Variants in IQCK observed in about 807,000 individuals in gnomAD.
The protein encoded by IQCK is IQ motif containing K.
In IQCK, 29 loss-of-function variants were observed where a neutral mutation model predicts 28.1. The observed-to-expected ratio is 1.03, with a 90% CI of 0.77 to 1.41. The LOEUF (loss-of-function observed/expected upper bound fraction) is 1.41. Ranked by LOEUF, IQCK falls within the 40% of genes most tolerant of loss-of-function variation. The pLI, the probability that IQCK is intolerant of heterozygous loss-of-function variation, is 0.00. For synonymous variants in IQCK, 113 were observed against 115.1 expected (o/e 0.98, Z 0.12); for missense variants, 359 against 314.7 (o/e 1.14, Z -1.07).
intron 9 of IQCK, among the ~76,000 whole-genome samples, chr16:19,838,948 G>A (rs947965596): frequency 6.8e-6 from 1 of 147,874 alleles, no homozygotes; most frequent in Non-Finnish European, 1.5e-5. Context: ...GAACCTAGGA[G>A]GCAGAGGTTG....
At chr16:19,774,335 A>G (rs1370016936) in intron 6 of IQCK, among the ~76,000 whole-genome samples, 1 of 148,650 alleles carries the variant, frequency 6.7e-6, no homozygotes, top group African/African-American at 2.5e-5. Flanking sequence ...ATTATATTTC[A>G]TTATTGGTAC....
intron 4 of IQCK, among the ~76,000 whole-genome samples, chr16:19,749,050 G>T (rs907021018): frequency 6.6e-6 from 1 of 152,142 alleles, no homozygotes; most frequent in Admixed American, 6.5e-5. Context: ...TCTCTTGGTT[G>T]TTTAGAGAAC....
intron 7 of IQCK, among the ~76,000 whole-genome samples, chr16:19,809,317 C>G (rs1240244741): frequency 6.6e-6 from 1 of 152,194 alleles, no homozygotes; most frequent in Non-Finnish European, 1.5e-5. Flanking sequence ...CGTGTGTTAG[C>G]TGGGTAGTTC....
intron 1 of IQCK, among the ~76,000 whole-genome samples, chr16:19,724,633 A>G (rs2151673770): frequency 6.6e-6 from 1 of 152,030 alleles, no homozygotes; most frequent in African/African-American, 2.4e-5. Context: ...GATTCACGCC[A>G]TTCTCCTGCC....
chr16:19,819,161 C>T (rs1375425489), intron 7 of IQCK, among the ~76,000 whole-genome samples: 2 of 152,114 alleles, frequency 1.3e-5, no homozygotes, highest in African/African-American at 4.8e-5. Flanking sequence ...GGATCTGGAC[C>T]TATCACGGTA....
intron 6 of IQCK, among the ~76,000 whole-genome samples, chr16:19,776,819 C>T (rs1355460955): frequency 6.6e-6 from 1 of 152,210 alleles, no homozygotes; most frequent in Non-Finnish European, 1.5e-5. Context: ...TGTCATATCT[C>T]CCGTCGGCCT....
chr16:19,736,492 G>A (rs866248499), intron 4 of IQCK, among the ~76,000 whole-genome samples: 2 of 152,088 alleles, frequency 1.3e-5, no homozygotes, highest in Non-Finnish European at 2.9e-5. Flanking sequence ...GGTAGAAACC[G>A]AGTTCCGATG....
chr16:19,854,896 T>C (rs1277732231), intron 9 of IQCK, among the ~76,000 whole-genome samples: 1 of 152,150 alleles, frequency 6.6e-6, no homozygotes, highest in Non-Finnish European at 1.5e-5. Flanking sequence ...TGGTTGCCCA[T>C]AGAGCTTCCA....
At chr16:19,745,768 G>A (rs1301755676) in intron 4 of IQCK, among the ~76,000 whole-genome samples, 2 of 152,168 alleles carry the variant, frequency 1.3e-5, no homozygotes, top group Non-Finnish European at 2.9e-5. Flanking sequence ...TCATGTGACT[G>A]CGTTCAGCTG....
At chr16:19,810,409 A>G (rs1024469069) in intron 7 of IQCK, among the ~76,000 whole-genome samples, 1 of 151,814 alleles carries the variant, frequency 6.6e-6, no homozygotes, top group Non-Finnish European at 1.5e-5. Flanking sequence ...AGGCAGGAGA[A>G]TGGTGTCAAC....
At chr16:19,748,699 T>C (rs2054946468) in intron 4 of IQCK, among the ~76,000 whole-genome samples, 1 of 152,180 alleles carries the variant, frequency 6.6e-6, no homozygotes, top group Non-Finnish European at 1.5e-5. Context: ...TACTGCATTC[T>C]GGACATTACA....
chr16:19,759,766 G>C (rs73541502), intron 4 of IQCK, among the ~76,000 whole-genome samples: 1 of 152,112 alleles, frequency 6.6e-6, no homozygotes, highest in Non-Finnish European at 1.5e-5. Flanking sequence ...TCACTTGAGC[G>C]CAAGAGATTG....
At chr16:19,856,459 C>G in intron 9 of IQCK, 28 bp from the exon 9 acceptor site, 25 of 1,601,080 alleles carry the variant, frequency 1.6e-5, no homozygotes, top group Non-Finnish European at 1.9e-5. Flanking sequence ...GTAAATTGAT[C>G]CTGACTTTCC....
At chr16:19,732,000 G>C (rs1977855459) in intron 2 of IQCK, among the ~76,000 whole-genome samples, 1 of 152,240 alleles carries the variant, frequency 6.6e-6, no homozygotes, top group Non-Finnish European at 1.5e-5. Context: ...GAGTCTCAAA[G>C]CCAGAGAACC....
intron 6 of IQCK, among the ~76,000 whole-genome samples, chr16:19,774,744 GAAAC>G (rs1311162740): frequency 6.6e-6 from 1 of 152,188 alleles, no homozygotes; most frequent in East Asian, 1.9e-4. Context: ...TACCATTTAT[GAAAC>G]ACCTACTATG....
chr16:19,728,688 C>T lies in IQCK; in HGVS notation c.182-1742C>T, dbSNP rs144210865. Among the ~76,000 whole-genome samples the T allele has an allele frequency of 1.5e-3, 226 of 152,328 alleles. 3 individuals carry two copies. The highest frequency in any genetic ancestry group is 4.7e-3 in the African/African-American group (194 of 41,578). ...GATAAAACCCTGATCCATTCTTGGA[C>T]TCCTGACTCAGGGGAATTATGAGAT... On this transcript the variant is annotated intron_variant, in intron 1 of 7. Coordinates refer to ENST00000564186, the Ensembl canonical transcript of IQCK.
intron 9 of IQCK, among the ~76,000 whole-genome samples, chr16:19,844,081 C>CT (rs760051580): frequency 0.023 from 3,175 of 136,282 alleles, 110 homozygotes; most frequent in African/African-American, 0.07. Flanking sequence ...CATATGCTTG[C>CT]TTTTTTTTTT....
chr16:19,813,950 G>T (rs992934113), intron 7 of IQCK, among the ~76,000 whole-genome samples: 2 of 152,118 alleles, frequency 1.3e-5, no homozygotes, highest in African/African-American at 4.8e-5. Context: ...TGGGTGTGGT[G>T]GCTCATGCCT....
At chr16:19,741,488 A>G (rs1337079167) in intron 4 of IQCK, among the ~76,000 whole-genome samples, 3 of 152,202 alleles carry the variant, frequency 2.0e-5, no homozygotes, top group Non-Finnish European at 4.4e-5. Context: ...TGAAAGAACC[A>G]GATAAATTTC....
Sources: gnomAD v4.1 joint callset for allele counts (sites outside exome capture counted in the v4.1 genomes callset) on GRCh38, gnomAD v4.1.1 for gene constraint, MANE v1.5 for transcripts, NCBI Gene and HGNC (gene_info 2026-07-23, HGNC 2026-07-21) for gene names.